MFN1: variants seen among roughly 807,000 people sequenced by gnomAD.
The protein encoded by MFN1 is mitofusin 1.
MFN1 carries 65 observed loss-of-function variants against 92.4 expected under a neutral mutation model. That is an observed-to-expected ratio of 0.70 (90% confidence interval 0.58 to 0.86). MFN1 has a LOEUF of 0.86. MFN1 is among the 40% of genes least tolerant of loss of function. MFN1 has a pLI of 0.00. For synonymous variants in MFN1, 297 were observed against 300.9 expected, an observed-to-expected ratio of 0.99 and a Z score of 0.13; for missense variants, 781 against 868.0, an observed-to-expected ratio of 0.90 and a Z score of 1.26.
rs1713283721 is a variant in MFN1, at chr3:179,377,428, GTATTAAAAA to G, written c.1313_1321del (p.Leu438_Ile440del). 1 of 1,590,072 alleles carries G rather than the reference GTATTAAAAA, an allele frequency of 6.3e-7. No homozygotes were observed. On this transcript the variant is annotated inframe_deletion, in exon 12 of 18. Transcript: ENST00000471841. ...TTCAGAGTTTCATCCTAATCCAGAT[GTATTAAAAA>G]TATATAAAAGTGTAAGTTAAAGTAT...
intron 14 of MFN1, among the ~76,000 whole-genome samples, chr3:179,384,813 G>A (rs1268064892): frequency 6.6e-6 from 1 of 152,024 alleles, no homozygotes; most frequent in Non-Finnish European, 1.5e-5. Flanking sequence ...GGGACTACAG[G>A]CATAAGTCAC....
intron 9 of MFN1, among the ~76,000 whole-genome samples, chr3:179,369,142 T>A (rs145999827): frequency 1.5e-4 from 23 of 152,310 alleles, no homozygotes; most frequent in African/African-American, 5.3e-4. Context: ...GAAGTCCCCG[T>A]TACTCAAAGA....
intron 1 of MFN1, chr3:179,348,135 C>G (rs568784337): frequency 6.6e-6 from 1 of 152,262 alleles, no homozygotes; most frequent in Non-Finnish European, 1.5e-5. Flanking sequence ...GGTGTTCACA[C>G]CGGCCGGACC....
chr3:179,353,267 T>C (rs1712224603), intron 3 of MFN1, among the ~76,000 whole-genome samples: 3 of 149,482 alleles, frequency 2.0e-5, no homozygotes, highest in Admixed American at 1.3e-4. Context: ...GGTTTCACCA[T>C]GTTGCCCAGG....
chr3:179,383,777 C>A (rs1282753538), intron 14 of MFN1, among the ~76,000 whole-genome samples: 1 of 152,066 alleles, frequency 6.6e-6, no homozygotes, highest in African/African-American at 2.4e-5. Context: ...ATCCAACTTA[C>A]AAAGGATGTG....
At chr3:179,349,441 G>C (rs1712052546) in intron 2 of MFN1, among the ~76,000 whole-genome samples, 1 of 151,808 alleles carries the variant, frequency 6.6e-6, no homozygotes, top group Non-Finnish European at 1.5e-5. Flanking sequence ...AATTGCAGTG[G>C]AAAGGGGGAA....
chr3:179,383,422 G>A (rs1010468157), intron 14 of MFN1, among the ~76,000 whole-genome samples: 1 of 152,058 alleles, frequency 6.6e-6, no homozygotes, highest in African/African-American at 2.4e-5. Flanking sequence ...TGTTCCATTG[G>A]TCTATATCTC....
chr3:179,353,568 G>T (rs190134526), intron 3 of MFN1, among the ~76,000 whole-genome samples: 1 of 152,086 alleles, frequency 6.6e-6, no homozygotes, highest in South Asian at 2.1e-4. Flanking sequence ...GGATTATGGC[G>T]GGGAGAAAAA....
chr3:179,375,038 TA>T (rs1304754334), intron 9 of MFN1, among the ~76,000 whole-genome samples, 181 bp from the exon 10 acceptor site: 1 of 152,260 alleles, frequency 6.6e-6, no homozygotes, highest in Non-Finnish European at 1.5e-5. Flanking sequence ...AAGCCCTTTT[TA>T]CTTTTGAATC....
chr3:179,350,416 A>G (rs886698631), intron 2 of MFN1, among the ~76,000 whole-genome samples: 2 of 152,198 alleles, frequency 1.3e-5, no homozygotes, highest in Admixed American at 1.3e-4. Context: ...GTTTCCAATT[A>G]GGAAATAATT....
At chr3:179,378,848 C>A (rs568569167) in intron 14 of MFN1, 34 bp downstream of exon 14, 7 of 1,464,362 alleles carry the variant, frequency 4.8e-6, no homozygotes, top group African/African-American at 1.4e-5. Context: ...TTAAGACTCT[C>A]CTTTATTATT....
intron 7 of MFN1, 117 bp downstream of exon 7, chr3:179,365,342 ATAGT>A (rs531074482): frequency 9.7e-5 from 60 of 616,540 alleles, no homozygotes; most frequent in African/African-American, 1.6e-4. Flanking sequence ...TGAAAAGAAG[ATAGT>A]TAGAGAAAAC....
chr3:179,382,316 G>A (rs1385948054), intron 14 of MFN1, among the ~76,000 whole-genome samples: 2 of 152,142 alleles, frequency 1.3e-5, no homozygotes, highest in African/African-American at 4.8e-5. Context: ...GTGAGAACAT[G>A]CAGTGTTTGG....
At chr3:179,377,700 G>A (rs142652044) in intron 12 of MFN1, among the ~76,000 whole-genome samples, 1,872 of 152,268 alleles carry the variant, frequency 0.012, 34 homozygotes, top group African/African-American at 0.043. Context: ...TTGGGAGGCC[G>A]AGGTGGGAGG....
intron 14 of MFN1, among the ~76,000 whole-genome samples, chr3:179,381,862 T>G (rs1480549591): frequency 6.6e-6 from 1 of 152,192 alleles, no homozygotes; most frequent in African/African-American, 2.4e-5. Context: ...TCAAAAATCC[T>G]AAAAAATCTG....
At chr3:179,358,727 C>A in intron 3 of MFN1, 113 bp from the exon 4 acceptor site, 1 of 1,085,160 alleles carries the variant, frequency 9.2e-7, no homozygotes, top group Non-Finnish European at 1.3e-6. Flanking sequence ...AAAATGCAGT[C>A]TTAAGAAATC....
chr3:179,358,068 A>G (rs1241893175), intron 3 of MFN1, among the ~76,000 whole-genome samples: 3 of 151,818 alleles, frequency 2.0e-5, no homozygotes, highest in Admixed American at 6.6e-5. Context: ...CTCCAAGTGC[A>G]TATATTCCAG....
intron 3 of MFN1, among the ~76,000 whole-genome samples, chr3:179,352,715 A>G (rs1418447986): frequency 2.0e-5 from 3 of 151,650 alleles, no homozygotes; most frequent in African/African-American, 7.3e-5. Context: ...TGCATTCCAG[A>G]TTATAATCTT....
chr3:179,375,126 G>T, intron 9 of MFN1, 94 bp from the exon 10 acceptor site: 6 of 1,303,642 alleles, frequency 4.6e-6, no homozygotes, highest in South Asian at 3.6e-5. Context: ...TTTCTGTTTG[G>T]GTTAAAGTTA....
Sources: allele counts gnomAD v4.1 joint callset (sites outside exome capture counted in the v4.1 genomes callset), GRCh38; gene constraint gnomAD v4.1.1; transcripts MANE v1.5; gene names NCBI Gene and HGNC (gene_info 2026-07-23, HGNC 2026-07-21).